Variants in DNAH17 observed in about 807,000 individuals in gnomAD.
DNAH17 encodes the protein dynein axonemal heavy chain 17.
DNAH17 carries 376 observed loss-of-function variants against 485.6 expected under a neutral mutation model. That is an observed-to-expected ratio of 0.77 (90% CI 0.71 to 0.84). The LOEUF (loss-of-function observed/expected upper bound fraction) is 0.84, where lower values mean the gene tolerates loss of function less well. DNAH17 is among the 40% of genes least tolerant of loss of function. The probability of loss-of-function intolerance (pLI) is 0.00; values close to 1 mark genes in which losing one functional copy is unlikely to be tolerated. For missense variants in DNAH17, 6,370 were observed against 5,839.3 expected (o/e 1.09, Z -2.96); for synonymous variants, 3,031 against 2,405.9 (o/e 1.26, Z -7.60).
At chr17:78,547,976 A>AT (rs1453462694) in intron 16 of DNAH17, among the ~76,000 whole-genome samples, 1 of 152,024 alleles carries the variant, frequency 6.6e-6, no homozygotes, top group Non-Finnish European at 1.5e-5. Flanking sequence ...CATCTTACAC[A>AT]TTATCTATTG....
At chr17:78,498,409 G>A (rs1244242783) in intron 37 of DNAH17, among the ~76,000 whole-genome samples, 1 of 152,162 alleles carries the variant, frequency 6.6e-6, no homozygotes, top group Admixed American at 6.5e-5. Flanking sequence ...CCCCCAGCAT[G>A]CGTCAGGATC....
chr17:78,514,520 AAAG>A (rs1443193228), intron 26 of DNAH17, among the ~76,000 whole-genome samples: 2 of 147,412 alleles, frequency 1.4e-5, no homozygotes, highest in East Asian at 2.0e-4. Flanking sequence ...AAAAAAAAAA[AAAG>A]AAAAAGAAAA....
At position 78,494,832 on chromosome 17, in the gene DNAH17, G is replaced by A. The variant is rs753732710; in HGVS notation, c.6043-12C>T. 10 of 1,587,320 alleles carry A rather than the reference G, an allele frequency of 6.3e-6. No homozygotes were observed. Among genetic ancestry groups the A allele is most frequent in the Admixed American group, 3.4e-5 (2 of 58,098 alleles). On this transcript the variant is annotated splice_polypyrimidine_tract_variant and intron_variant, in intron 39 of 80. Coordinates refer to ENST00000389840, the MANE Select transcript of DNAH17 (RefSeq NM_173628.4). ...CAGTCGTAATGATCCTGCGGGCAGT[G>A]GGCACAGGTGGGCAGACGTGAGCTC...
intron 69 of DNAH17, among the ~76,000 whole-genome samples, chr17:78,448,510 G>A (rs1043953692): frequency 6.6e-6 from 1 of 152,298 alleles, no homozygotes; most frequent in Non-Finnish European, 1.5e-5. Context: ...CTGGGTGACA[G>A]AGTGAGATTG....
chr17:78,535,080 G>A (rs370634786), intron 19 of DNAH17, among the ~76,000 whole-genome samples: 4 of 152,292 alleles, frequency 2.6e-5, no homozygotes, highest in African/African-American at 7.2e-5. Flanking sequence ...CTTCAGCTCT[G>A]GAATGTTCTG....
In DNAH17 at chr17:78,506,799, C is replaced by T. The variant is rs1220695530; in HGVS notation, c.4724G>A (p.Arg1575Lys). The T allele has an allele frequency of 4.3e-6, 7 of 1,613,860 alleles. No individual in the cohort carries two copies. The highest frequency in any genetic ancestry group is 1.3e-5 in the African/African-American group (1 of 74,910). Residue 1575 changes from arginine to lysine, a missense_variant, in exon 30 of 81, where the codon AGA (arginine) becomes AAA (lysine). Transcript: ENST00000389840. The stretch of plus-strand genomic sequence containing the variant: ...AAAATAGAACCGGGGGAAAGCCAGT[C>T]TTTTCGTCTCTAAATACTCTGCCAA... Reference protein sequence around the residue: ...KALAEYLETKRLAFPRFYFVS... With the variant: ...KALAEYLETKKLAFPRFYFVS...
rs2089993232 is a variant in DNAH17, at chr17:78,494,503, A to G, written c.6270+90T>C. ...TAGCATCGGGAAACGTGCGTGTGTG[A>G]CACGGGTCTCCACCCGTCCAACATC... is the stretch of plus-strand genomic sequence containing the variant. On this transcript the variant is annotated intron_variant, in intron 40 of 80. Transcript: ENST00000389840. 9 of 1,372,506 alleles carry G rather than the reference A, an allele frequency of 6.6e-6. No individual in the cohort carries two copies. The Admixed American group carries it at 1.7e-4, about 26-fold the overall frequency. The allele number at this position is 1,372,506 out of a possible 1,614,324, so 85.0% of individuals were successfully genotyped here. A position where few individuals can be genotyped will look rare whatever the true frequency, so the allele number is the denominator to read the frequency against.
chr17:78,535,727 G>C (rs1443814461), intron 19 of DNAH17, among the ~76,000 whole-genome samples: 5 of 152,084 alleles, frequency 3.3e-5, no homozygotes, highest in Admixed American at 3.3e-4. Context: ...CACTCACCCA[G>C]ATTTTTGCTT....
At chr17:78,450,541 C>A (rs915437151) in intron 67 of DNAH17, 141 bp downstream of exon 67, 9 of 1,417,648 alleles carry the variant, frequency 6.3e-6, no homozygotes, top group African/African-American at 2.8e-5. Context: ...GAGCCCAGAC[C>A]CCTTCTCCTG....
At position 78,461,719 on chromosome 17, in the gene DNAH17, A is replaced by T. The variant is rs368858606; in HGVS notation, c.9175-11T>A. The T allele has an allele frequency of 1.3e-5, 21 of 1,604,998 alleles. No homozygotes were observed. The highest frequency in any genetic ancestry group is 1.7e-5 in the Non-Finnish European group (20 of 1,175,868). ...TTTCAAATCATCCACCTGGGGAAGG[A>T]GAAACCGAGAAACAGCAAGTGTGGG... On this transcript the variant is annotated splice_polypyrimidine_tract_variant and intron_variant, in intron 57 of 80. Transcript: ENST00000389840.
intron 53 of DNAH17, 61 bp from the exon 54 acceptor site, chr17:78,475,530 G>A: frequency 6.2e-7 from 1 of 1,609,800 alleles, no homozygotes. Context: ...TCTGTCACCA[G>A]CACGGACTCT....
At position 78,532,714 on chromosome 17, in the gene DNAH17, T is replaced by C. The variant is rs1279535268; in HGVS notation, c.2882A>G (p.Asp961Gly). Residue 961 changes from aspartate to glycine, a missense_variant, in exon 20 of 81, where the codon GAC (aspartate) becomes GGC (glycine). Coordinates refer to ENST00000389840, the MANE Select transcript of DNAH17 (RefSeq NM_173628.4). ...NYKMDLEDNTDLIEMREEVSS... is the reference protein window; with the variant it reads ...NYKMDLEDNTGLIEMREEVSS... ...CACCTCCTCCCTCATCTCTATGAGG[T>C]CTGTGTTATCTTCCAGGTCCATCTG... The C allele has an allele frequency of 3.1e-6, 5 of 1,592,432 alleles. No homozygotes were observed. The highest frequency in any genetic ancestry group is 4.3e-6 in the Non-Finnish European group (5 of 1,168,016).
chr17:78,532,445 G>A (rs1276594321), intron 20 of DNAH17, 37 bp downstream of exon 20: 4 of 1,576,654 alleles, frequency 2.5e-6, no homozygotes, highest in African/African-American at 1.3e-5. Context: ...GGAAGACTCT[G>A]GAGACAAGGA....
chr17:78,475,241 A>G, intron 54 of DNAH17, 37 bp downstream of exon 54: 1 of 1,607,168 alleles, frequency 6.2e-7, no homozygotes, highest in East Asian at 2.2e-5. Flanking sequence ...CCCTGACCCT[A>G]CCCTGAAAGG....
At chr17:78,494,317 T>C (rs549066433) in intron 40 of DNAH17, 144 bp from the exon 41 acceptor site, 2 of 1,266,608 alleles carry the variant, frequency 1.6e-6, no homozygotes, top group South Asian at 3.0e-5. Context: ...CAAGTTCTGC[T>C]GTCAATGCCG....
intron 16 of DNAH17, among the ~76,000 whole-genome samples, chr17:78,550,448 G>A (rs577251886): frequency 5.9e-5 from 9 of 152,394 alleles, no homozygotes; most frequent in East Asian, 1.9e-4. Context: ...ATGGCATTTG[G>A]AGATGAGAGC....
chr17:78,563,347 G>A (rs1294254607), intron 11 of DNAH17, among the ~76,000 whole-genome samples: 3 of 152,198 alleles, frequency 2.0e-5, no homozygotes, highest in South Asian at 2.1e-4. Context: ...GTCGCCTGCT[G>A]ACGTATGAGG....
At chr17:78,441,000 G>A in intron 72 of DNAH17, 51 bp downstream of exon 72, 1 of 1,550,514 alleles carries the variant, frequency 6.4e-7, no homozygotes, top group Admixed American at 2.0e-5. Flanking sequence ...GGTGCCTGGT[G>A]ATGCTGACAA....
intron 24 of DNAH17, 23 bp downstream of exon 24, chr17:78,526,628 A>G (rs528075169): frequency 3.2e-6 from 5 of 1,573,254 alleles, no homozygotes; most frequent in Non-Finnish European, 4.3e-6. Context: ...TTACCCCCTG[A>G]TCTCACCCTT....
Sources: allele counts gnomAD v4.1 joint callset (sites outside exome capture counted in the v4.1 genomes callset), GRCh38; gene constraint gnomAD v4.1.1; transcripts MANE v1.5; gene names NCBI Gene and HGNC (gene_info 2026-07-23, HGNC 2026-07-21).